EPS8: variants seen among roughly 807,000 people sequenced by gnomAD.
EPS8 encodes the protein epidermal growth factor receptor kinase substrate 8.
Under a neutral mutation model 103.8 loss-of-function variants are expected in EPS8, and 42 were observed. The ratio of observed to expected loss-of-function variants is 0.40; its 90% CI spans 0.32 to 0.52. The LOEUF (loss-of-function observed/expected upper bound fraction) is 0.52, where lower values mean the gene tolerates loss of function less well. EPS8 is among the 20% of genes least tolerant of loss of function. The pLI is 0.40. For synonymous variants in EPS8, 344 were observed against 344.6 expected (o/e 1.00, Z 0.02); for missense variants, 969 against 1,005.1 (o/e 0.96, Z 0.49).
intron 1 of EPS8, among the ~76,000 whole-genome samples, chr12:15,691,238 A>C (rs1227532318): frequency 6.6e-6 from 1 of 150,830 alleles, no homozygotes. Flanking sequence ...GAATGACTAG[A>C]CCAAAAAAGG....
rs930168314 is a variant in EPS8 at position 15,620,485 on chromosome 12, C to T, written c.*832G>A. On this transcript the variant is annotated 3_prime_UTR_variant, in exon 21 of 21. Coordinates refer to ENST00000281172, the MANE Select transcript of EPS8 (RefSeq NM_004447.6). Reference sequence around the variant, plus strand: ...CAGATAAACACATAAAATGGCCCCACTTCCTTTTAACTACTCATATCAACA... The same window carrying T: ...CAGATAAACACATAAAATGGCCCCATTTCCTTTTAACTACTCATATCAACA... 2.0e-5 allele frequency: 3 copies of T among 152,622 alleles called. No homozygotes were observed. The highest frequency in any genetic ancestry group is 2.9e-5 in the Non-Finnish European group (2 of 68,024). The allele number at this position is 152,622 out of a possible 1,614,324, so 9.5% of individuals were successfully genotyped here.
chr12:15,785,154 A>G lies in EPS8; in HGVS notation c.-22+4007T>C, dbSNP rs967000884. 1.2e-4 allele frequency among the ~76,000 whole-genome samples: 19 copies of G among 152,182 alleles called. No individual in the cohort carries two copies. Among genetic ancestry groups the G allele is most frequent in the African/African-American group, 4.1e-4 (17 of 41,468 alleles). ...AGAAGGTCAAGGAATCCCAAGGTGGAATGCAGATTGTAACAAAGAAATCTA... is the reference window on the plus strand; with the variant it reads ...AGAAGGTCAAGGAATCCCAAGGTGGGATGCAGATTGTAACAAAGAAATCTA... On this transcript the variant is annotated intron_variant, in intron 1 of 20. Coordinates refer to ENST00000281172, the MANE Select transcript of EPS8 (RefSeq NM_004447.6). The surrounding 1 kb of genome is among the most constrained non-coding windows in gnomAD (Gnocchi z 4.9).
At position 15,736,335 on chromosome 12, in the gene EPS8, G is replaced by A. The variant is rs1946766451; in HGVS notation, c.-22+52826C>T. Among the ~76,000 whole-genome samples, 1 of 152,106 alleles carries A rather than the reference G, an allele frequency of 6.6e-6. No individual in the cohort carries two copies. The highest frequency in any genetic ancestry group is 2.4e-5 in the African/African-American group (1 of 41,406). On this transcript the variant is annotated intron_variant, in intron 1 of 20. Coordinates refer to ENST00000281172, the MANE Select transcript of EPS8 (RefSeq NM_004447.6). This position sits in a 1 kb window ranked among gnomAD's most constrained non-coding sequence, Gnocchi z 4.2. ...AGGAGATCTGGATTTGAATTCCAAC[G>A]CCATAAGTTAACACTACGGAAATAC...
At chr12:15,658,700 A>T (rs1323631754) in intron 10 of EPS8, 115 bp from the exon 11 acceptor site, 6 of 711,554 alleles carry the variant, frequency 8.4e-6, no homozygotes, top group Non-Finnish European at 1.5e-5. Context: ...CAGACATGCT[A>T]CCTAGTTACC....
chr12:15,634,894 C>T (rs1945109433), intron 17 of EPS8: 1 of 391,506 alleles, frequency 2.6e-6, no homozygotes, highest in South Asian at 1.4e-4. Context: ...ATTACATGCC[C>T]ACAATCAACC....
rs556938920 is a variant in EPS8, at chr12:15,691,948, A to G, written c.-21-8976T>C. Reference sequence around the variant, plus strand: ...CTTTCAATACATTGAAGCACCACCCATTCTATCATTACTCTAACATTTCTG... The same window carrying G: ...CTTTCAATACATTGAAGCACCACCCGTTCTATCATTACTCTAACATTTCTG... On this transcript the variant is annotated intron_variant, in intron 1 of 20. Coordinates refer to ENST00000281172, the MANE Select transcript of EPS8 (RefSeq NM_004447.6). 2.0e-4 allele frequency among the ~76,000 whole-genome samples: 31 copies of G among 152,168 alleles called. No homozygotes were observed. The South Asian group carries it at 6.2e-3, about 31-fold the overall frequency.
In EPS8 at chr12:15,623,302, A is replaced by AT. The variant is rs769097836; in HGVS notation, c.2226-16_2226-15insA. The AT allele has an allele frequency of 1.3e-6, 2 of 1,552,420 alleles. No individual in the cohort carries two copies. The highest frequency in any genetic ancestry group is 2.0e-5 in the Admixed American group (1 of 49,244). On this transcript the variant is annotated splice_polypyrimidine_tract_variant and intron_variant, in intron 19 of 20. Transcript: ENST00000281172. ...TATTGACAGTCCTAAAAAAAAAAAA[A>AT]GGAAAAAGAAACTGAGCATTAAAAA...
rs547463511 is a variant in EPS8 at position 15,737,521 on chromosome 12, T to G, written c.-22+51640A>C. Reference sequence around the variant, plus strand: ...TCCAGGCTCTGCTCTAAGTGCCTAATGTATATGAACTCATTTAATCCTCAC... The same window carrying G: ...TCCAGGCTCTGCTCTAAGTGCCTAAGGTATATGAACTCATTTAATCCTCAC... On this transcript the variant is annotated intron_variant, in intron 1 of 20. Coordinates refer to ENST00000281172, the MANE Select transcript of EPS8 (RefSeq NM_004447.6). Among the ~76,000 whole-genome samples the G allele has an allele frequency of 3.9e-5, 6 of 152,284 alleles. No individual in the cohort carries two copies. In the South Asian group the frequency reaches 1.2e-3, roughly 32 times the overall value.
At chr12:15,729,530 A>G (rs763493466) in intron 1 of EPS8, among the ~76,000 whole-genome samples, 11 of 152,018 alleles carry the variant, frequency 7.2e-5, no homozygotes, top group African/African-American at 2.7e-4. Context: ...GCCCTCTCCA[A>G]TCTACTGATG....
At position 15,717,168 on chromosome 12, in the gene EPS8, T is replaced by A. The variant is rs536369272; in HGVS notation, c.-21-34196A>T. On this transcript the variant is annotated intron_variant, in intron 1 of 20. Coordinates refer to ENST00000281172, the MANE Select transcript of EPS8 (RefSeq NM_004447.6). This position sits in a 1 kb window ranked among gnomAD's most constrained non-coding sequence, Gnocchi z 4.3. ...TGGGAGAATCATATCTAACTACAAT[T>A]ATAGTCATGCAAAAGGACAAACATG... 4.6e-5 allele frequency among the ~76,000 whole-genome samples: 7 copies of A among 152,174 alleles called. No individual in the cohort carries two copies. Among genetic ancestry groups the A allele is most frequent in the Non-Finnish European group, 1.0e-4 (7 of 68,018 alleles).
intron 15 of EPS8, among the ~76,000 whole-genome samples, chr12:15,646,327 G>T (rs770981190): frequency 7.2e-4 from 109 of 152,170 alleles, no homozygotes; most frequent in South Asian, 1.9e-3. Context: ...GAAGTAAAGG[G>T]CATATAACTC....
chr12:15,674,973 T>G (rs1945878976), intron 3 of EPS8, among the ~76,000 whole-genome samples: 2 of 152,210 alleles, frequency 1.3e-5, no homozygotes, highest in Admixed American at 1.3e-4. Flanking sequence ...TGCTTGGGCT[T>G]TAATTATAAA....
rs77451404 is a variant in EPS8 at position 15,707,554 on chromosome 12, TA to T, written c.-21-24583del. On this transcript the variant is annotated intron_variant, in intron 1 of 20. Transcript: ENST00000281172. ...GGGCCTGTAAGGTAACTCACTACCTTAAAAAAAAAAAAAATCACATGCTACA... is the reference window on the plus strand; with the variant it reads ...GGGCCTGTAAGGTAACTCACTACCTTAAAAAAAAAAAAATCACATGCTACA... Among the ~76,000 whole-genome samples the T allele has an allele frequency of 6.1e-3, 873 of 142,580 alleles. 4 individuals are homozygous for T. The highest frequency in any genetic ancestry group is 0.012 in the African/African-American group (470 of 39,138). 93.5% of individuals were successfully genotyped at this position (142,580 alleles called of 152,430 possible). A position where few individuals can be genotyped will look rare whatever the true frequency, so the allele number is the denominator to read the frequency against.
At chr12:15,628,838 T>C (rs908620742) in intron 18 of EPS8, among the ~76,000 whole-genome samples, 2 of 152,220 alleles carry the variant, frequency 1.3e-5, no homozygotes, top group African/African-American at 4.8e-5. Context: ...TGAGTAGGCA[T>C]ATTTTGAGAG....
intron 1 of EPS8, among the ~76,000 whole-genome samples, chr12:15,707,087 G>A (rs1341119050): frequency 6.6e-6 from 1 of 152,058 alleles, no homozygotes. Flanking sequence ...CTCCATGTGG[G>A]AAAAAGGCAC....
At chr12:15,661,263 G>T (rs1054356841) in intron 9 of EPS8, among the ~76,000 whole-genome samples, 3 of 152,116 alleles carry the variant, frequency 2.0e-5, no homozygotes, top group African/African-American at 7.2e-5. Flanking sequence ...GAATGAATTT[G>T]ATTATCTTAT....
rs1428259480 is a variant in EPS8 at position 15,641,756 on chromosome 12, C to T, written c.1643G>A (p.Ser548Asn). The change falls in exon 16 of 21, where the codon AGT becomes AAT. Residue 548 changes from serine to asparagine, a missense_variant. Transcript: ENST00000281172. ...SKYDFVARNNSELSVLKDDIL... is the reference protein window; with the variant it reads ...SKYDFVARNNNELSVLKDDIL... The stretch of plus-strand genomic sequence containing the variant: ...ATCATCCTTTAGAACCGAGAGCTCA[C>T]TGTTGTTCCTTGCTACAAAGTCATA... 1 of 1,598,138 alleles carries T rather than the reference C, an allele frequency of 6.3e-7. No individual in the cohort carries two copies. The highest frequency in any genetic ancestry group is 8.5e-7 in the Non-Finnish European group (1 of 1,170,324).
chr12:15,670,455 C>T (rs965176267), intron 4 of EPS8, among the ~76,000 whole-genome samples: 2 of 151,982 alleles, frequency 1.3e-5, no homozygotes, highest in African/African-American at 2.4e-5. Flanking sequence ...GAGCAAATAT[C>T]GTAAAAGAGG....
At position 15,764,228 on chromosome 12, in the gene EPS8, A is replaced by G. The variant is rs1467244605; in HGVS notation, c.-22+24933T>C. 6.6e-6 allele frequency among the ~76,000 whole-genome samples: 1 copy of G among 152,152 alleles called. No individual in the cohort carries two copies. Among genetic ancestry groups the G allele is most frequent in the African/African-American group, 2.4e-5 (1 of 41,420 alleles). On this transcript the variant is annotated intron_variant, in intron 1 of 20. Transcript: ENST00000281172. This position sits in a 1 kb window ranked among gnomAD's most constrained non-coding sequence, Gnocchi z 4.1. The stretch of plus-strand genomic sequence containing the variant: ...GTGAGACTTATTCACTGTCACAAGA[A>G]CAGCACCACGGGAAAGACCCACCCC...
Sources: allele counts gnomAD v4.1 joint callset (sites outside exome capture counted in the v4.1 genomes callset), GRCh38; gene constraint gnomAD v4.1.1; non-coding constraint Gnocchi (gnomAD v3.1); transcripts MANE v1.5; gene names NCBI Gene and HGNC (gene_info 2026-07-23, HGNC 2026-07-21).